Variants in TSPAN18 observed in about 807,000 individuals in gnomAD.
TSPAN18 encodes tetraspanin-18.
TSPAN18 carries 14 observed loss-of-function variants against 27.3 expected under a neutral mutation model. That is an observed-to-expected ratio of 0.51 (90% CI 0.34 to 0.80). TSPAN18 has a LOEUF of 0.80. Among genes scored for constraint, TSPAN18 ranks in the 30% least tolerant of loss-of-function variants. TSPAN18 has a pLI of 0.01. For synonymous variants in TSPAN18, 143 were observed against 136.5 expected (o/e 1.05, Z -0.33); for missense variants, 268 against 323.9 (o/e 0.83, Z 1.32).
chr11:44,875,652 T>G (rs545115379), intron 3 of TSPAN18, among the ~76,000 whole-genome samples: 1 of 152,360 alleles, frequency 6.6e-6, no homozygotes, highest in East Asian at 1.9e-4. Flanking sequence ...GTCGAGCTTA[T>G]TGTCCCCACA....
rs148265026 is a variant in TSPAN18, at chr11:44,814,168, T to C, written c.-152-46160T>C. ...TCCCAGACTTCATTTCCTTTACCAA[T>C]AATTTTTTAAAAAAAGTCAGGACTG... On this transcript the variant is annotated intron_variant, in intron 2 of 9. Coordinates refer to ENST00000520358, the MANE Select transcript of TSPAN18 (RefSeq NM_130783.5). Among the ~76,000 whole-genome samples the C allele has an allele frequency of 2.6e-3, 393 of 152,258 alleles. 1 individual carries two copies. The highest frequency in any genetic ancestry group is 7.9e-3 in the East Asian group (41 of 5,180).
intron 3 of TSPAN18, among the ~76,000 whole-genome samples, chr11:44,869,444 A>G (rs1858131553): frequency 6.6e-6 from 1 of 152,232 alleles, no homozygotes; most frequent in Admixed American, 6.5e-5. Flanking sequence ...GGAGAGGTTA[A>G]AACCAGTTAA....
At chr11:44,829,269 G>A (rs1025124972) in intron 2 of TSPAN18, among the ~76,000 whole-genome samples, 1 of 152,144 alleles carries the variant, frequency 6.6e-6, no homozygotes, top group African/African-American at 2.4e-5. Context: ...ATAATGACAT[G>A]TGTCTACCGG....
At chr11:44,831,369 C>T (rs748836920) in intron 2 of TSPAN18, among the ~76,000 whole-genome samples, 13 of 152,024 alleles carry the variant, frequency 8.6e-5, no homozygotes, top group Non-Finnish European at 1.5e-4. Flanking sequence ...AGATGTGGCC[C>T]CAAAAAAGAT....
At position 44,884,525 on chromosome 11, in the gene TSPAN18, C is replaced by G. The variant is rs1035368704; in HGVS notation, c.-10-21882C>G. On this transcript the variant is annotated intron_variant, in intron 3 of 9. Transcript: ENST00000520358. Reference sequence around the variant, plus strand: ...GCCTCTTCTGTTGGAAAGATCCCCCCTGTGCGGTTCAGCCCCTCACATTCC... The same window carrying G: ...GCCTCTTCTGTTGGAAAGATCCCCCGTGTGCGGTTCAGCCCCTCACATTCC... Among the ~76,000 whole-genome samples, 5 of 152,234 alleles carry G rather than the reference C, an allele frequency of 3.3e-5. No homozygotes were observed. In the South Asian group the frequency reaches 1.0e-3, roughly 32 times the overall value.
At chr11:44,805,160 C>T (rs1291495014) in intron 2 of TSPAN18, among the ~76,000 whole-genome samples, 1 of 152,172 alleles carries the variant, frequency 6.6e-6, no homozygotes, top group African/African-American at 2.4e-5. Flanking sequence ...TATCGCTTTT[C>T]ATAAAGACTG....
rs978387518 is a variant in TSPAN18 at position 44,930,284 on chromosome 11, C to G, written c.*1106C>G. On this transcript the variant is annotated 3_prime_UTR_variant, in exon 10 of 10. Coordinates refer to ENST00000520358, the MANE Select transcript of TSPAN18 (RefSeq NM_130783.5). ...AAGACTTCTCCACCCTCTTGCATAC[C>G]TCCAGGGACAGAGAGCTTACTACCT... 3.3e-5 allele frequency: 5 copies of G among 152,902 alleles called. No homozygotes were observed. The highest frequency in any genetic ancestry group is 7.2e-5 in the African/African-American group (3 of 41,460). 9.5% of individuals were successfully genotyped at this position (152,902 alleles called of 1,614,324 possible). A position where few individuals can be genotyped will look rare whatever the true frequency, so the allele number is the denominator to read the frequency against.
At chr11:44,926,630 T>C (rs569458496) in intron 8 of TSPAN18, 44 bp from the exon 9 acceptor site, 2 of 1,581,740 alleles carry the variant, frequency 1.3e-6, no homozygotes, top group East Asian at 4.5e-5. Flanking sequence ...ACTCCAGGAC[T>C]CTCAACCCTG....
intron 2 of TSPAN18, among the ~76,000 whole-genome samples, chr11:44,853,800 T>C (rs1279741226): frequency 1.3e-5 from 2 of 152,188 alleles, no homozygotes; most frequent in African/African-American, 2.4e-5. Context: ...ACTTGGAAAC[T>C]GACCGGAGTG....
chr11:44,922,117 A>ATTT (rs10659284), intron 8 of TSPAN18, among the ~76,000 whole-genome samples: 2,906 of 131,334 alleles, frequency 0.022, 86 homozygotes, highest in African/African-American at 0.048. Context: ...CCCAGGATGC[A>ATTT]TTTTTTTTTT....
At chr11:44,917,015 C>T (rs1386621131) in intron 5 of TSPAN18, among the ~76,000 whole-genome samples, 1 of 152,216 alleles carries the variant, frequency 6.6e-6, no homozygotes, top group African/African-American at 2.4e-5. Context: ...GCCTTCATGG[C>T]GAGTGCTCCA....
chr11:44,875,658 C>T (rs1001020979), intron 3 of TSPAN18, among the ~76,000 whole-genome samples: 5 of 152,210 alleles, frequency 3.3e-5, no homozygotes, highest in African/African-American at 1.2e-4. Flanking sequence ...CTTATTGTCC[C>T]CACATTGATC....
At chr11:44,773,142 C>G (rs77242053) in intron 2 of TSPAN18, among the ~76,000 whole-genome samples, 8,262 of 152,036 alleles carry the variant, frequency 0.054, 1,069 homozygotes, top group East Asian at 0.49. Context: ...ACTGGCCAGG[C>G]GCGGTGGCTC....
intron 3 of TSPAN18, among the ~76,000 whole-genome samples, chr11:44,906,136 G>A (rs1486803105): frequency 6.6e-6 from 1 of 152,368 alleles, no homozygotes; most frequent in East Asian, 1.9e-4. Context: ...TAGGAGGAAG[G>A]TTCTGTTCCT....
At chr11:44,774,966 C>G (rs2134928543) in intron 2 of TSPAN18, among the ~76,000 whole-genome samples, 1 of 152,308 alleles carries the variant, frequency 6.6e-6, no homozygotes, top group East Asian at 1.9e-4. Flanking sequence ...ACCAGAAAGT[C>G]CGTTCAGTTG....
At chr11:44,915,850 C>T (rs895330507) in intron 5 of TSPAN18, among the ~76,000 whole-genome samples, 2 of 152,170 alleles carry the variant, frequency 1.3e-5, no homozygotes, top group African/African-American at 2.4e-5. Flanking sequence ...AAAAAGAGAC[C>T]GTGAGAACAG....
intron 2 of TSPAN18, among the ~76,000 whole-genome samples, chr11:44,814,303 C>T (rs1856777609): frequency 6.6e-6 from 1 of 152,028 alleles, no homozygotes; most frequent in Admixed American, 6.6e-5. Context: ...AATATTTGCC[C>T]CTCTTCCCAT....
intron 4 of TSPAN18, among the ~76,000 whole-genome samples, chr11:44,908,258 C>A (rs987775780): frequency 1.3e-5 from 2 of 152,134 alleles, no homozygotes; most frequent in African/African-American, 4.8e-5. Flanking sequence ...TCCTGCTCAG[C>A]CAAGCCAAAG....
chr11:44,869,222 G>A (rs1160773114), intron 3 of TSPAN18, among the ~76,000 whole-genome samples: 2 of 152,174 alleles, frequency 1.3e-5, no homozygotes, highest in African/African-American at 4.8e-5. Flanking sequence ...TTCAGCTTCT[G>A]CTTACATACC....
Sources: allele counts gnomAD v4.1 joint callset (sites outside exome capture counted in the v4.1 genomes callset), GRCh38; gene constraint gnomAD v4.1.1; transcripts MANE v1.5; gene names NCBI Gene and HGNC (gene_info 2026-07-23, HGNC 2026-07-21).